Variants in FBF1 observed in about 807,000 individuals in gnomAD.
FBF1 encodes the protein fas-binding factor 1.
A neutral mutation model predicts 147.2 loss-of-function variants in FBF1; 119 were observed. The ratio of observed to expected loss-of-function variants is 0.81; its 90% CI spans 0.70 to 0.94. FBF1 has a LOEUF of 0.94. FBF1 is among the 40% of genes least tolerant of loss of function. The pLI is 0.00. For missense variants in FBF1, 1,449 were observed against 1,500.8 expected (o/e 0.97, Z 0.57); for synonymous variants, 601 against 609.0 (o/e 0.99, Z 0.19).
At chr17:75,929,592 C>T (rs2065582112) in intron 7 of FBF1, among the ~76,000 whole-genome samples, 1 of 152,166 alleles carries the variant, frequency 6.6e-6, no homozygotes, top group Non-Finnish European at 1.5e-5. Flanking sequence ...TGGCGCTGGG[C>T]TTGATCTGAT....
In FBF1 at chr17:75,918,397, C is replaced by T; in HGVS notation, c.2139-128G>A. On this transcript the variant is annotated intron_variant, in intron 20 of 29. Coordinates refer to ENST00000636174, the MANE Select transcript of FBF1 (RefSeq NM_001319193.2). The surrounding 1 kb of genome is among the most constrained non-coding windows in gnomAD (Gnocchi z 5.8). ...GCCTCTCCTCCGCCGGGCACTGCCT[C>T]AGTTTCCCCAGCTCCTCTGTCTTAT... 1.5e-6 allele frequency: 1 copy of T among 675,170 alleles called. No individual in the cohort carries two copies. The highest frequency in any genetic ancestry group is 2.5e-6 in the Non-Finnish European group (1 of 401,452). 41.8% of individuals were successfully genotyped at this position (675,170 alleles called of 1,614,324 possible).
intron 25 of FBF1, 89 bp downstream of exon 25, chr17:75,914,658 T>C: frequency 1.5e-6 from 2 of 1,344,850 alleles, no homozygotes; most frequent in Admixed American, 2.8e-5. Context: ...TGCTACACTC[T>C]CCTTTCCTAA....
In FBF1 at chr17:75,922,153, C is replaced by T. The variant is rs62088255; in HGVS notation, c.1425-107G>A. ...ACACGTGAAGCTCGTGGCCCCCCTT[C>T]CTCCTGCTTCCACCATCCCGTCTTG... On this transcript the variant is annotated intron_variant, in intron 14 of 29. Coordinates refer to ENST00000636174, the MANE Select transcript of FBF1 (RefSeq NM_001319193.2). The surrounding 1 kb of genome is among the most constrained non-coding windows in gnomAD (Gnocchi z 5.0). 518 of 866,876 alleles carry T rather than the reference C, an allele frequency of 6.0e-4. No homozygotes were observed. The highest frequency in any genetic ancestry group is 7.8e-4 in the Non-Finnish European group (434 of 556,340). 53.7% of individuals were successfully genotyped at this position (866,876 alleles called of 1,614,324 possible).
At chr17:75,934,987 A>C (rs1227561604) in intron 4 of FBF1, among the ~76,000 whole-genome samples, 1 of 152,046 alleles carries the variant, frequency 6.6e-6, no homozygotes, top group Non-Finnish European at 1.5e-5. Flanking sequence ...GTGCTTGCCT[A>C]AGGTTGGAGG....
rs777332503 is a variant in FBF1 at position 75,920,030 on chromosome 17, C to G, written c.1908G>C (p.Leu636=). 3 of 1,604,952 alleles carry G rather than the reference C, an allele frequency of 1.9e-6. No homozygotes were observed. The South Asian group carries it at 3.3e-5, about 18-fold the overall frequency. The part of the protein sequence containing the change: ...GSLQQQHQAD[L]ELIESAHRSR... ...ACCTGTGTGCACTCTCGATGAGCTCCAGGTCTGCCTGGTGCTGCTGCTGCA... is the reference window on the plus strand; with the variant it reads ...ACCTGTGTGCACTCTCGATGAGCTCGAGGTCTGCCTGGTGCTGCTGCTGCA... The change falls in exon 19 of 30, where the codon CTG becomes CTC. Residue 636 remains leucine, a synonymous_variant. Coordinates refer to ENST00000636174, the MANE Select transcript of FBF1 (RefSeq NM_001319193.2).
chr17:75,938,082 T>C, intron 2 of FBF1, 65 bp downstream of exon 2: 1 of 1,603,632 alleles, frequency 6.2e-7, no homozygotes, highest in Non-Finnish European at 8.5e-7. Context: ...GCAGTCAAGA[T>C]CTTTGGGGAT....
intron 25 of FBF1, 42 bp from the exon 26 acceptor site, chr17:75,914,340 T>C (rs778081947): frequency 6.4e-6 from 10 of 1,559,074 alleles, no homozygotes; most frequent in African/African-American, 1.4e-5. Context: ...CTCCCAGGAA[T>C]TGCGCTGCAC....
chr17:75,921,522 G>A lies in FBF1; in HGVS notation c.1565C>T (p.Pro522Leu). 6.2e-7 allele frequency: 1 copy of A among 1,613,254 alleles called. No homozygotes were observed. The highest frequency in any genetic ancestry group is 2.2e-5 in the East Asian group (1 of 44,868). Residue 522 changes from proline to leucine, a missense_variant, in exon 16 of 30, where the codon CCT becomes CTT. Coordinates refer to ENST00000636174, the MANE Select transcript of FBF1 (RefSeq NM_001319193.2). ...TGTTCCCCTCTTTGGGGAACCTGTA[G>A]GGAGTGCTGAGGCGGCATGGTTCTG... Reference protein sequence around the residue: ...VTQNHAASALPTGSPKRGTAP... With the variant: ...VTQNHAASALLTGSPKRGTAP...
Position 75,928,217 on chromosome 17 carries a change from AGAGGACTATGTCTGATAAGGGGCT to A in FBF1, c.280-48_280-25del. ...TCCTAGAAAACCAGGGAGGGAGGGC[AGAGGACTATGTCTGATAAGGGGCT>A]GAGGACTTCCACCTGAGAGAGATGG... On this transcript the variant is annotated intron_variant, in intron 7 of 29. Coordinates refer to ENST00000636174, the MANE Select transcript of FBF1 (RefSeq NM_001319193.2). This position sits in a 1 kb window ranked among gnomAD's most constrained non-coding sequence, Gnocchi z 4.2. 6.2e-7 allele frequency: 1 copy of A among 1,601,594 alleles called. No individual in the cohort carries two copies. The highest frequency in any genetic ancestry group is 8.6e-7 in the Non-Finnish European group (1 of 1,168,778).
intron 9 of FBF1, among the ~76,000 whole-genome samples, 157 bp from the exon 10 acceptor site, chr17:75,927,034 A>G (rs965648062): frequency 1.8e-4 from 27 of 152,114 alleles, no homozygotes; most frequent in African/African-American, 5.5e-4. Flanking sequence ...GGCAACGGGG[A>G]CTCCACAAAA....
Position 75,919,242 on chromosome 17 carries a change from G to A in FBF1, c.2138+426C>T, listed in dbSNP as rs552456653. Among the ~76,000 whole-genome samples the A allele has an allele frequency of 1.3e-5, 2 of 152,176 alleles. No homozygotes were observed. The highest frequency in any genetic ancestry group is 4.8e-5 in the African/African-American group (2 of 41,438). On this transcript the variant is annotated intron_variant, in intron 20 of 29. Coordinates refer to ENST00000636174, the MANE Select transcript of FBF1 (RefSeq NM_001319193.2). This position sits in a 1 kb window ranked among gnomAD's most constrained non-coding sequence, Gnocchi z 5.0. ...TTAAAAGGCTGCCTCTGCCTTCATC[G>A]ACCTCTGACTCCCTTAGGTAACTTT...
At chr17:75,916,324 A>T (rs950320637) in intron 23 of FBF1, among the ~76,000 whole-genome samples, 1 of 143,368 alleles carries the variant, frequency 7.0e-6, no homozygotes, top group Non-Finnish European at 1.5e-5. Flanking sequence ...TCTCTAAAAA[A>T]AATTTTTTTT....
Position 75,913,778 on chromosome 17 carries a change from G to C in FBF1, c.3171C>G (p.Arg1057=). 6.2e-7 allele frequency: 1 copy of C among 1,605,692 alleles called. No homozygotes were observed. Among genetic ancestry groups the C allele is most frequent in the Non-Finnish European group, 8.5e-7 (1 of 1,179,330 alleles). ...GGCTAGAGGGCAGGTCCTGTCGTGC[G>C]CGGTCCAGTTGCAGCCTCTGCTGGG... ...SLAQQRLQLD[R]ARQDLPSSLV... is the part of the protein sequence containing the mutation. Residue 1057 remains arginine, a synonymous_variant, in exon 28 of 30, where the codon CGC becomes CGG. Coordinates refer to ENST00000636174, the MANE Select transcript of FBF1 (RefSeq NM_001319193.2).
intron 28 of FBF1, chr17:75,913,457 CTTTT>C (rs1235872206): frequency 2.8e-5 from 12 of 422,586 alleles, no homozygotes; most frequent in African/African-American, 6.2e-5. Flanking sequence ...CTGACAATGA[CTTTT>C]TTTATTTCCT....
At chr17:75,939,035 C>T (rs997388639) in intron 1 of FBF1, among the ~76,000 whole-genome samples, 3 of 151,948 alleles carry the variant, frequency 2.0e-5, no homozygotes, top group African/African-American at 7.3e-5. Flanking sequence ...GTGGCTCACA[C>T]CTGTTATCCC....
intron 28 of FBF1, 53 bp downstream of exon 28, chr17:75,913,649 C>A: frequency 6.9e-7 from 1 of 1,446,344 alleles, no homozygotes; most frequent in Non-Finnish European, 9.3e-7. Context: ...CCACTCCTAG[C>A]ACTGCCCCTG....
In FBF1 at chr17:75,922,335, T is replaced by C. The variant is rs1017547990; in HGVS notation, c.1425-289A>G. On this transcript the variant is annotated intron_variant, in intron 14 of 29. Transcript: ENST00000636174. This position sits in a 1 kb window ranked among gnomAD's most constrained non-coding sequence, Gnocchi z 5.0. ...TATAGACACTGGAGTCAAGTTCAAG[T>C]TCAGAGCCCTGTTCCAGTCCACTTA... is the stretch of plus-strand genomic sequence containing the variant. 1.8e-4 allele frequency among the ~76,000 whole-genome samples: 28 copies of C among 152,100 alleles called. No homozygotes were observed. The highest frequency in any genetic ancestry group is 2.6e-4 in the Admixed American group (4 of 15,266).
rs2065452001 is a variant in FBF1, at chr17:75,910,729, T to C, written c.3441A>G (p.Ser1147=). 6.2e-7 allele frequency: 1 copy of C among 1,608,460 alleles called. No individual in the cohort carries two copies. ...GAATCGGCTGGGGTCCCACTCAGGC[T>C]GAATGAGATGTCAAATTGTAGGACC... is the stretch of plus-strand genomic sequence containing the variant. ...KKGSYNLTSH[S]A is the part of the protein sequence containing the mutation. Residue 1147 remains serine, a synonymous_variant, in exon 30 of 30, where the codon TCA becomes TCG. Coordinates refer to ENST00000636174, the MANE Select transcript of FBF1 (RefSeq NM_001319193.2). The surrounding 1 kb of genome is among the most constrained non-coding windows in gnomAD (Gnocchi z 4.1).
At chr17:75,932,107 G>A (rs72865815) in intron 5 of FBF1, among the ~76,000 whole-genome samples, 5 of 152,298 alleles carry the variant, frequency 3.3e-5, no homozygotes, top group Admixed American at 1.3e-4. Context: ...CTGGCCAGGC[G>A]CGGTGGCGCA....
Sources: allele counts gnomAD v4.1 joint callset (sites outside exome capture counted in the v4.1 genomes callset), GRCh38; gene constraint gnomAD v4.1.1; non-coding constraint Gnocchi (gnomAD v3.1); transcripts MANE v1.5; gene names NCBI Gene and HGNC (gene_info 2026-07-23, HGNC 2026-07-21).